Variants in RAB22A observed in about 807,000 individuals in gnomAD.
The protein encoded by RAB22A is ras-related protein Rab-22A.
A neutral mutation model predicts 30.2 loss-of-function variants in RAB22A; 13 were observed. The ratio of observed to expected loss-of-function variants is 0.43; its 90% confidence interval spans 0.28 to 0.68. RAB22A has a LOEUF of 0.68. Ranked by LOEUF, RAB22A falls within the 30% of genes least tolerant of loss-of-function variation. The pLI is 0.18. For synonymous variants in RAB22A, 89 were observed against 87.2 expected, an observed-to-expected ratio of 1.02 and a Z score of -0.11; for missense variants, 177 against 246.8, an observed-to-expected ratio of 0.72 and a Z score of 1.89.
At position 58,314,627 on chromosome 20, in the gene RAB22A, G is replaced by C. The variant is rs192869803; in HGVS notation, c.116+3505G>C. ...AGGCCAAGACGGGTGGATCACCTGAGGTCAGGAGTTTGAGACCAGCCTGGG... is the reference window on the plus strand; with the variant it reads ...AGGCCAAGACGGGTGGATCACCTGACGTCAGGAGTTTGAGACCAGCCTGGG... On this transcript the variant is annotated intron_variant, in intron 2 of 6. Transcript: ENST00000244040. Among the ~76,000 whole-genome samples, 1,025 of 152,202 alleles carry C rather than the reference G, an allele frequency of 6.7e-3. 16 individuals carry two copies. The highest frequency in any genetic ancestry group is 0.023 in the African/African-American group (950 of 41,524).
chr20:58,329,591 C>A (rs566530383), intron 2 of RAB22A, among the ~76,000 whole-genome samples: 1 of 152,076 alleles, frequency 6.6e-6, no homozygotes, highest in Non-Finnish European at 1.5e-5. Flanking sequence ...GTGTAATATA[C>A]TCTGGGTTCA....
In RAB22A at chr20:58,359,051, G is replaced by A. The variant is rs115602648; in HGVS notation, c.488-555G>A. 2.8e-3 allele frequency among the ~76,000 whole-genome samples: 421 copies of A among 152,296 alleles called. 4 individuals are homozygous for A. Among genetic ancestry groups the A allele is most frequent in the African/African-American group, 9.7e-3 (403 of 41,558 alleles). On this transcript the variant is annotated intron_variant, in intron 6 of 6. Transcript: ENST00000244040. ...GCCTTGGAAAGGGGAGATGGGTAGG[G>A]ATATAGGTGTGCCTGAGTGTTTGTG...
intron 2 of RAB22A, among the ~76,000 whole-genome samples, chr20:58,337,785 C>A (rs191874564): frequency 6.6e-6 from 1 of 152,156 alleles, no homozygotes; most frequent in Non-Finnish European, 1.5e-5. Flanking sequence ...CTCACCAGCC[C>A]TGTCTATTCT....
intron 6 of RAB22A, among the ~76,000 whole-genome samples, chr20:58,356,912 G>A (rs947655514): frequency 1.3e-5 from 2 of 152,122 alleles, no homozygotes; most frequent in African/African-American, 4.8e-5. Flanking sequence ...TATCCATTCT[G>A]CTGTTGATAG....
intron 2 of RAB22A, among the ~76,000 whole-genome samples, chr20:58,339,124 G>C (rs1022475412): frequency 2.6e-5 from 4 of 152,180 alleles, no homozygotes; most frequent in African/African-American, 9.7e-5. Context: ...TTTTCATTGA[G>C]AGCACGTACT....
chr20:58,345,569 G>A (rs890373074), intron 3 of RAB22A: 3 of 152,526 alleles, frequency 2.0e-5, no homozygotes, highest in Non-Finnish European at 4.4e-5. Context: ...GCATGGAGAA[G>A]ACAGGAGAGG....
In RAB22A at chr20:58,353,480, G is replaced by A; in HGVS notation, c.319G>A (p.Gly107Ser). The A allele has an allele frequency of 2.5e-6, 4 of 1,613,490 alleles. No individual in the cohort carries two copies. The highest frequency in any genetic ancestry group is 3.4e-6 in the Non-Finnish European group (4 of 1,179,434). Residue 107 changes from glycine to serine, a missense_variant, in exon 5 of 7, where the codon GGC (glycine) becomes AGC (serine). By Grantham distance (56) the Gly-to-Ser change is moderately conservative. Transcript: ENST00000244040. Reference sequence around the variant, plus strand: ...TTGGGTGAAAGAGCTTCGACAGCATGGCCCACCTAATATTGTAGTTGCCAT... The same window carrying A: ...TTGGGTGAAAGAGCTTCGACAGCATAGCCCACCTAATATTGTAGTTGCCAT... ...KNWVKELRQH[G>S]PPNIVVAIAG... is the part of the protein sequence containing the mutation.
Position 58,354,157 on chromosome 20 carries a change from G to A in RAB22A, c.379G>A (p.Glu127Lys), listed in dbSNP as rs1336126684. The A allele has an allele frequency of 6.2e-7, 1 of 1,608,690 alleles. No homozygotes were observed. Among genetic ancestry groups the A allele is most frequent in the Non-Finnish European group, 8.5e-7 (1 of 1,176,108 alleles). The change falls in exon 6 of 7, where the codon GAA (glutamate) becomes AAA (lysine). Residue 127 changes from glutamate (E) to lysine (K), a missense_variant and splice_region_variant. Physicochemically the swap from Glu to Lys is moderately conservative, Grantham distance 56 (BLOSUM62 1). Transcript: ENST00000244040. ...TGATATGTAGTTGTTGCCTTCCAGA[G>A]AAGTCATGGAGAGAGATGCAAAGGA... The part of the protein sequence containing the change: ...GNKCDLIDVR[E>K]VMERDAKDYA...
At chr20:58,342,357 A>G (rs936212637) in intron 2 of RAB22A, among the ~76,000 whole-genome samples, 1 of 152,206 alleles carries the variant, frequency 6.6e-6, no homozygotes, top group Non-Finnish European at 1.5e-5. Flanking sequence ...AGTCACAGTC[A>G]CTGTTTTGGA....
chr20:58,351,310 T>A (rs1468392390), intron 3 of RAB22A, among the ~76,000 whole-genome samples: 1 of 150,834 alleles, frequency 6.6e-6, no homozygotes, highest in Admixed American at 6.6e-5. Flanking sequence ...CACTCCAGCC[T>A]GGGTGACAGA....
intron 6 of RAB22A, among the ~76,000 whole-genome samples, chr20:58,357,375 T>C (rs1176103586): frequency 6.6e-6 from 1 of 152,244 alleles, no homozygotes; most frequent in Non-Finnish European, 1.5e-5. Flanking sequence ...TTATTGACTA[T>C]GTATATTGGA....
intron 2 of RAB22A, among the ~76,000 whole-genome samples, chr20:58,325,504 G>A (rs1263635560): frequency 6.6e-6 from 1 of 152,098 alleles, no homozygotes; most frequent in South Asian, 2.1e-4. Context: ...CTTGACTGTG[G>A]CTTTTGCTGG....
At position 58,361,965 on chromosome 20, in the gene RAB22A, A is replaced by G. The variant is rs1987234804; in HGVS notation, c.*2262A>G. On this transcript the variant is annotated 3_prime_UTR_variant, in exon 7 of 7. Coordinates refer to ENST00000244040, the MANE Select transcript of RAB22A (RefSeq NM_020673.3). ...ACCGAGCCCAATGTGGGTCCATCTC[A>G]TCAGCCCTTTGCTGATTTCATGATT... The G allele has an allele frequency of 6.6e-6, 1 of 152,056 alleles. No homozygotes were observed. The highest frequency in any genetic ancestry group is 1.5e-5 in the Non-Finnish European group (1 of 68,012). The allele number at this position is 152,056 out of a possible 1,614,324, so 9.4% of individuals were successfully genotyped here. A position where few individuals can be genotyped will look rare whatever the true frequency, so the allele number is the denominator to read the frequency against.
chr20:58,353,255 T>G lies in RAB22A; in HGVS notation c.199-18T>G. 1 of 1,609,660 alleles carries G rather than the reference T, an allele frequency of 6.2e-7. No individual in the cohort carries two copies. The highest frequency in any genetic ancestry group is 8.5e-7 in the Non-Finnish European group (1 of 1,178,240). On this transcript the variant is annotated intron_variant, in intron 3 of 6. Coordinates refer to ENST00000244040, the MANE Select transcript of RAB22A (RefSeq NM_020673.3). ...ACCAGTTTTCCCAATTTTGTTTATT[T>G]TTCCCCCTCCTCTGCAGTTTCGTGC...
intron 2 of RAB22A, among the ~76,000 whole-genome samples, chr20:58,332,101 C>T (rs183385152): frequency 1.3e-3 from 195 of 152,330 alleles, no homozygotes; most frequent in Non-Finnish European, 2.3e-3. Flanking sequence ...AAACAATCCA[C>T]TATGCTTTCC....
intron 2 of RAB22A, among the ~76,000 whole-genome samples, chr20:58,320,778 AG>A (rs1313666452): frequency 1.3e-5 from 2 of 152,212 alleles, no homozygotes; most frequent in Non-Finnish European, 2.9e-5. Flanking sequence ...TTGCGGGTAC[AG>A]GTGCGGTGGT....
At chr20:58,323,078 A>G (rs56148640) in intron 2 of RAB22A, among the ~76,000 whole-genome samples, 271 of 152,308 alleles carry the variant, frequency 1.8e-3, no homozygotes, top group Non-Finnish European at 3.4e-3. Flanking sequence ...TATCTTTATA[A>G]TACTGAATCT....
intron 6 of RAB22A, among the ~76,000 whole-genome samples, chr20:58,354,495 A>G (rs1467072749): frequency 2.6e-5 from 4 of 152,128 alleles, no homozygotes; most frequent in Admixed American, 6.5e-5. Flanking sequence ...AATAATGCAC[A>G]GGGTACTGAG....
At chr20:58,331,132 C>T (rs1354660776) in intron 2 of RAB22A, among the ~76,000 whole-genome samples, 1 of 152,146 alleles carries the variant, frequency 6.6e-6, no homozygotes, top group African/African-American at 2.4e-5. Flanking sequence ...AAAAGAAATA[C>T]AGAGACCCAA....
Sources: gnomAD v4.1 joint callset for allele counts (sites outside exome capture counted in the v4.1 genomes callset) on GRCh38, gnomAD v4.1.1 for gene constraint, MANE v1.5 for transcripts, NCBI Gene and HGNC (gene_info 2026-07-23, HGNC 2026-07-21) for gene names.